Variants in SLC7A14 observed in about 807,000 individuals in gnomAD.
The protein encoded by SLC7A14 is solute carrier family 7 member 14, also known as gamma-aminobutyric acid transporter SLC7A14.
Under a neutral mutation model 60.2 loss-of-function variants are expected in SLC7A14, and 37 were observed. That is an observed-to-expected ratio of 0.61 (90% confidence interval 0.47 to 0.81). The LOEUF (loss-of-function observed/expected upper bound fraction) is 0.81, where lower values mean the gene tolerates loss of function less well. SLC7A14 is among the 30% of genes least tolerant of loss of function. The pLI, the probability that SLC7A14 is intolerant of heterozygous loss-of-function variation, is 0.00. For synonymous variants in SLC7A14, 399 were observed against 395.8 expected (o/e 1.01, Z -0.10); for missense variants, 886 against 982.7 (o/e 0.90, Z 1.32).
intron 4 of SLC7A14, chr3:170,495,813 C>T: frequency 8.8e-7 from 1 of 1,138,012 alleles, no homozygotes. Context: ...CAAGTGGAGC[C>T]TCCTGCAGCA....
At chr3:170,473,934 G>A (rs1711523035) in intron 7 of SLC7A14, among the ~76,000 whole-genome samples, 1 of 152,140 alleles carries the variant, frequency 6.6e-6, no homozygotes, top group Admixed American at 6.5e-5. Context: ...ATGCAATCTT[G>A]TTAAAGAATA....
chr3:170,473,645 T>C (rs1711514241), intron 7 of SLC7A14, among the ~76,000 whole-genome samples: 1 of 152,210 alleles, frequency 6.6e-6, no homozygotes, highest in African/African-American at 2.4e-5. Context: ...AATGAGAAGG[T>C]ATCCTTCCCA....
chr3:170,534,543 C>G (rs754267942), intron 1 of SLC7A14, among the ~76,000 whole-genome samples: 1 of 152,086 alleles, frequency 6.6e-6, no homozygotes, highest in Non-Finnish European at 1.5e-5. Context: ...ATGCACTAGG[C>G]AAAGCAATTA....
chr3:170,523,560 C>T (rs1293948476), intron 2 of SLC7A14, among the ~76,000 whole-genome samples: 2 of 152,120 alleles, frequency 1.3e-5, no homozygotes, highest in African/African-American at 4.8e-5. Context: ...TCTCCCTCTG[C>T]TTGGAAAAAG....
intron 6 of SLC7A14, among the ~76,000 whole-genome samples, chr3:170,482,730 T>G (rs1711873955): frequency 6.6e-6 from 1 of 152,200 alleles, no homozygotes; most frequent in African/African-American, 2.4e-5. Context: ...GTGGCAATTT[T>G]GTTTCACCTC....
intron 4 of SLC7A14, among the ~76,000 whole-genome samples, chr3:170,488,699 A>G (rs1050711902): frequency 3.9e-5 from 6 of 152,222 alleles, no homozygotes; most frequent in African/African-American, 1.4e-4. Flanking sequence ...AATCAAATCA[A>G]AATATATTGA....
At chr3:170,558,229 G>A (rs1714541616) in intron 1 of SLC7A14, among the ~76,000 whole-genome samples, 1 of 152,056 alleles carries the variant, frequency 6.6e-6, no homozygotes, top group South Asian at 2.1e-4. Context: ...TTAGCCAGGT[G>A]TGGTGGTACA....
chr3:170,556,016 C>CT (rs1714476681), intron 1 of SLC7A14, among the ~76,000 whole-genome samples: 1 of 152,174 alleles, frequency 6.6e-6, no homozygotes, highest in Non-Finnish European at 1.5e-5. Flanking sequence ...GGCATAGTTT[C>CT]TTTATCTCCC....
In SLC7A14 at chr3:170,535,473, A is replaced by G. The variant is rs1046275763; in HGVS notation, c.-152-8385T>C. Among the ~76,000 whole-genome samples, 4 of 152,160 alleles carry G rather than the reference A, an allele frequency of 2.6e-5. No individual in the cohort carries two copies. The highest frequency in any genetic ancestry group is 4.8e-5 in the African/African-American group (2 of 41,454). ...TTATGGCCATAAAATAAATTATTGT[A>G]ATCTACAGAATATCAGGAATTTAGG... On this transcript the variant is annotated intron_variant, in intron 1 of 7. Coordinates refer to ENST00000231706, the MANE Select transcript of SLC7A14 (RefSeq NM_020949.3). This position sits in a 1 kb window ranked among gnomAD's most constrained non-coding sequence, Gnocchi z 4.3.
At chr3:170,487,422 A>G (rs1712070779) in intron 4 of SLC7A14, among the ~76,000 whole-genome samples, 1 of 151,806 alleles carries the variant, frequency 6.6e-6, no homozygotes, top group South Asian at 2.1e-4. Flanking sequence ...GTATGGGGTG[A>G]GGGAAAAAGA....
chr3:170,561,568 C>T (rs1461378277), intron 1 of SLC7A14, among the ~76,000 whole-genome samples: 1 of 152,174 alleles, frequency 6.6e-6, no homozygotes, highest in Non-Finnish European at 1.5e-5. Flanking sequence ...GCTCTGCTTA[C>T]CCCACAGGGT....
chr3:170,482,106 A>G (rs2108269667), intron 6 of SLC7A14, among the ~76,000 whole-genome samples: 1 of 152,300 alleles, frequency 6.6e-6, no homozygotes, highest in South Asian at 2.1e-4. Context: ...GCTCGTAGAT[A>G]CAGATTTATG....
At chr3:170,521,845 T>C (rs2193664) in intron 2 of SLC7A14, among the ~76,000 whole-genome samples, 103,746 of 151,772 alleles carry the variant, frequency 0.68, 35,842 homozygotes, top group Middle Eastern at 0.78. Flanking sequence ...CGCTTGAACC[T>C]GGGAGGTGGA....
At chr3:170,581,935 C>T (rs1452114377) in intron 1 of SLC7A14, among the ~76,000 whole-genome samples, 5 of 152,146 alleles carry the variant, frequency 3.3e-5, no homozygotes. Flanking sequence ...GATAAACACA[C>T]ACACATGTTA....
chr3:170,565,675 G>A (rs1248675958), intron 1 of SLC7A14, among the ~76,000 whole-genome samples: 2 of 152,166 alleles, frequency 1.3e-5, no homozygotes, highest in African/African-American at 2.4e-5. Flanking sequence ...TCTTGCTGGT[G>A]TAGGGTTGAG....
At chr3:170,515,368 G>T (rs1299096515) in intron 2 of SLC7A14, among the ~76,000 whole-genome samples, 2 of 151,442 alleles carry the variant, frequency 1.3e-5, no homozygotes, top group Non-Finnish European at 2.9e-5. Context: ...GATATGGAAA[G>T]GTTGTAATGT....
intron 2 of SLC7A14, among the ~76,000 whole-genome samples, chr3:170,508,857 T>G (rs1391872891): frequency 6.6e-6 from 1 of 152,162 alleles, no homozygotes; most frequent in Non-Finnish European, 1.5e-5. Context: ...GAAGTGTGAA[T>G]TCTCTCAGAA....
At chr3:170,577,259 A>G (rs1374941984) in intron 1 of SLC7A14, among the ~76,000 whole-genome samples, 4 of 152,290 alleles carry the variant, frequency 2.6e-5, no homozygotes, top group South Asian at 4.1e-4. Flanking sequence ...GTACATTTCA[A>G]AGCTGAGTCT....
chr3:170,568,817 T>C (rs1392387070), intron 1 of SLC7A14, among the ~76,000 whole-genome samples: 1 of 152,184 alleles, frequency 6.6e-6, no homozygotes, highest in Non-Finnish European at 1.5e-5. Context: ...TGTTTGTCTG[T>C]TATTGGTGTA....
Sources: allele counts gnomAD v4.1 joint callset (sites outside exome capture counted in the v4.1 genomes callset), GRCh38; gene constraint gnomAD v4.1.1; non-coding constraint Gnocchi (gnomAD v3.1); transcripts MANE v1.5; gene names NCBI Gene and HGNC (gene_info 2026-07-23, HGNC 2026-07-21).